The following PCDHGB2 variants were observed in gnomAD, a reference collection of about 807,000 sequenced individuals.
PCDHGB2 encodes protocadherin gamma subfamily B, 2, also known as protocadherin gamma-B2.
PCDHGB2 carries 55 observed loss-of-function variants against 59.3 expected under a neutral mutation model. That is an observed-to-expected ratio of 0.93 (90% CI 0.75 to 1.16). The LOEUF is 1.16. Ranked by LOEUF, PCDHGB2 falls within the 50% of genes most tolerant of loss-of-function variation. PCDHGB2 has a pLI of 0.00. For synonymous variants in PCDHGB2, 516 were observed against 512.0 expected (o/e 1.01, Z -0.11); for missense variants, 1,228 against 1,198.5 (o/e 1.02, Z -0.36).
chr5:141,413,188 A>C, intron 1 of PCDHGB2: 4 of 1,606,680 alleles, frequency 2.5e-6, no homozygotes, highest in Non-Finnish European at 3.4e-6. Flanking sequence ...GGCCGCTCAA[A>C]GGAATCGCTC....
At chr5:141,478,812 A>G (rs952753762) in intron 1 of PCDHGB2, 16 of 1,453,436 alleles carry the variant, frequency 1.1e-5, no homozygotes, top group Non-Finnish European at 1.4e-5. Flanking sequence ...TTGCTATCAC[A>G]ACTAACCAAT....
At position 141,512,750 on chromosome 5, in the gene PCDHGB2, G is replaced by C. The variant is rs538475261; in HGVS notation, c.*1577G>C. The C allele has an allele frequency of 2.6e-5, 4 of 152,894 alleles. No homozygotes were observed. The highest frequency in any genetic ancestry group is 4.4e-5 in the Non-Finnish European group (3 of 68,656). 9.5% of individuals were successfully genotyped at this position (152,894 alleles called of 1,614,324 possible). ...AGCGGGCGGCGGGCTCCGCGCAGCC[G>C]TCTGTCCTTGATCTGCCCGCGGCGG... On this transcript the variant is annotated 3_prime_UTR_variant, in exon 4 of 4. Coordinates refer to ENST00000522605, the MANE Select transcript of PCDHGB2 (RefSeq NM_018923.3).
chr5:141,506,294 C>T (rs1165174121), intron 3 of PCDHGB2, among the ~76,000 whole-genome samples: 1 of 151,888 alleles, frequency 6.6e-6, no homozygotes, highest in African/African-American at 2.4e-5. Context: ...ACTAAAAATA[C>T]AAAAATTAGC....
intron 2 of PCDHGB2, among the ~76,000 whole-genome samples, chr5:141,498,828 G>C (rs2099786098): frequency 6.6e-6 from 1 of 152,092 alleles, no homozygotes; most frequent in Non-Finnish European, 1.5e-5. Flanking sequence ...AGCTACTCAG[G>C]AGGCTGAGGC....
chr5:141,503,924 G>C (rs1282755998), intron 2 of PCDHGB2, among the ~76,000 whole-genome samples: 1 of 152,146 alleles, frequency 6.6e-6, no homozygotes, highest in Non-Finnish European at 1.5e-5. Flanking sequence ...CACACACACA[G>C]ACATTTTCAT....
In PCDHGB2 at chr5:141,511,028, T is replaced by G. The variant is rs1279056657; in HGVS notation, c.2651T>G (p.Leu884Arg). The G allele has an allele frequency of 3.7e-6, 6 of 1,614,084 alleles. No individual in the cohort carries two copies. The highest frequency in any genetic ancestry group is 1.7e-5 in the Admixed American group (1 of 60,004). ...LSARYGPQFT[L>R]QHVPDYRQNV... is the part of the protein sequence containing the mutation. The stretch of plus-strand genomic sequence containing the variant: ...GCCCGCTACGGACCCCAGTTCACCC[T>G]GCAGCACGTGCCCGACTACCGCCAG... Residue 884 changes from leucine to arginine, a missense_variant, in exon 4 of 4, where the codon CTG becomes CGG. Physicochemically the swap from Leu to Arg is moderately radical, Grantham distance 102. This residue lies in a region of PCDHGB2 where 433 missense variants were observed against 441.8 expected (regional missense o/e 0.98). Transcript: ENST00000522605.
intron 1 of PCDHGB2, chr5:141,424,481 G>A (rs1397559058): frequency 6.6e-6 from 1 of 152,056 alleles, no homozygotes; most frequent in Non-Finnish European, 1.5e-5. Flanking sequence ...TTACTTTGGT[G>A]TCTGTGTTTG....
At chr5:141,421,147 G>A in intron 1 of PCDHGB2, 1 of 1,019,036 alleles carries the variant, frequency 9.8e-7, no homozygotes, top group South Asian at 1.7e-5. Context: ...GGATGTAGTC[G>A]GCCTAGGACT....
chr5:141,411,806 C>G (rs1276116820), intron 1 of PCDHGB2: 1 of 151,860 alleles, frequency 6.6e-6, no homozygotes, highest in Non-Finnish European at 1.5e-5. Flanking sequence ...CGCTTGAGCC[C>G]AGGAAGTCTA....
At position 141,362,424 on chromosome 5, in the gene PCDHGB2, AG is replaced by A. The variant is rs764699522; in HGVS notation, c.2290del (p.Glu764SerfsTer5). On this transcript the variant is annotated frameshift_variant, in exon 1 of 4. Coordinates refer to ENST00000522605, the MANE Select transcript of PCDHGB2 (RefSeq NM_018923.3). LOFTEE classifies it high-confidence loss of function. ...LCVASQSAKTEFNFLNITPEL... is the reference protein window; with the variant it reads ...LCVASQSAKTXFNFLNITPEL... ...GTGTTGCCTCACAATCAGCCAAGAC[AG>A]AGTTCAATTTTCTGAACATAACCCC... 14 of 1,613,916 alleles carry A rather than the reference AG, an allele frequency of 8.7e-6. No homozygotes were observed. The African/African-American group carries it at 1.7e-4, about 20-fold the overall frequency.
rs765972156 is a variant in PCDHGB2, at chr5:141,432,960, G to A, written c.2422-61847G>A. 3.1e-6 allele frequency: 5 copies of A among 1,614,070 alleles called. No individual in the cohort carries two copies. The East Asian group carries it at 6.7e-5, about 22-fold the overall frequency. On this transcript the variant is annotated intron_variant, in intron 1 of 3. Transcript: ENST00000522605. This position sits in a 1 kb window ranked among gnomAD's most constrained non-coding sequence, Gnocchi z 6.0. ...CAGGCTTCAGGAGGCGGCTTGACAG[G>A]AGCGCCGGCGTCGCACTTTGTGGGC...
intron 1 of PCDHGB2, chr5:141,367,040 T>C: frequency 2.8e-6 from 1 of 353,316 alleles, no homozygotes; most frequent in Non-Finnish European, 5.1e-6. Flanking sequence ...TGCAGTTCTA[T>C]TAATAGAAAA....
At chr5:141,389,635 A>G in intron 1 of PCDHGB2, 1 of 1,612,978 alleles carries the variant, frequency 6.2e-7, no homozygotes, top group Non-Finnish European at 8.5e-7. Flanking sequence ...GAGCCTGGCT[A>G]CTTGGTGACC....
At chr5:141,502,056 C>A (rs1163976282) in intron 2 of PCDHGB2, among the ~76,000 whole-genome samples, 1 of 152,116 alleles carries the variant, frequency 6.6e-6, no homozygotes, top group Non-Finnish European at 1.5e-5. Context: ...CTACTTTATT[C>A]CCATTAGCCC....
chr5:141,401,353 AAGG>A (rs772220375), intron 1 of PCDHGB2, among the ~76,000 whole-genome samples: 7 of 152,166 alleles, frequency 4.6e-5, no homozygotes, highest in African/African-American at 7.2e-5. Flanking sequence ...AAAAAAAAGG[AAGG>A]AGAAGGAGAG....
chr5:141,477,007 A>C lies in PCDHGB2; in HGVS notation c.2422-17800A>C, dbSNP rs891158982. The C allele has an allele frequency of 1.9e-6, 3 of 1,614,258 alleles. No individual in the cohort carries two copies. The Admixed American group carries it at 5.0e-5, about 27-fold the overall frequency. ...CCGGCGTGCGGCAACTATTCGCCTT[A>C]GACCTTGTAACCGGGATGCTGACAA... On this transcript the variant is annotated intron_variant, in intron 1 of 3. Coordinates refer to ENST00000522605, the MANE Select transcript of PCDHGB2 (RefSeq NM_018923.3). This position sits in a 1 kb window ranked among gnomAD's most constrained non-coding sequence, Gnocchi z 4.9.
intron 1 of PCDHGB2, chr5:141,370,713 GA>G (rs1767141333): frequency 6.2e-7 from 1 of 1,613,856 alleles, no homozygotes; most frequent in African/African-American, 1.3e-5. Context: ...TCTGGAATTT[GA>G]AATGGTTGCT....
rs527250082 is a variant in PCDHGB2 at position 141,371,292 on chromosome 5, G to A, written c.2421+8736G>A. 2.0e-5 allele frequency: 33 copies of A among 1,613,858 alleles called. No individual in the cohort carries two copies. The highest frequency in any genetic ancestry group is 1.6e-4 in the Middle Eastern group (1 of 6,084). On this transcript the variant is annotated intron_variant, in intron 1 of 3. Transcript: ENST00000522605. ...GTTCAAGCTGGACAGTAAAACGGGG[G>A]AACTCACCACTATTGGAGAACTGGA...
chr5:141,408,660 C>A, intron 1 of PCDHGB2: 3 of 1,613,980 alleles, frequency 1.9e-6, no homozygotes, highest in Non-Finnish European at 1.7e-6. Flanking sequence ...ACACGACTAT[C>A]GCTTGACCCT....
Sources: allele counts gnomAD v4.1 joint callset (sites outside exome capture counted in the v4.1 genomes callset), GRCh38; gene constraint gnomAD v4.1.1; regional missense constraint gnomAD v4.1.1; non-coding constraint Gnocchi (gnomAD v3.1); transcripts MANE v1.5; gene names NCBI Gene and HGNC (gene_info 2026-07-23, HGNC 2026-07-21).